Variants in CREB5 observed in about 807,000 individuals in gnomAD.
CREB5 encodes the protein cyclic AMP-responsive element-binding protein 5.
Under a neutral mutation model 57.1 loss-of-function variants are expected in CREB5, and 19 were observed. The ratio of observed to expected loss-of-function variants is 0.33; its 90% confidence interval spans 0.23 to 0.49. The LOEUF (loss-of-function observed/expected upper bound fraction) is 0.49, where lower values mean the gene tolerates loss of function less well. CREB5 is among the 20% of genes least tolerant of loss of function. The probability of loss-of-function intolerance (pLI) is 0.99; values close to 1 mark genes in which losing one functional copy is unlikely to be tolerated. For missense variants in CREB5, 579 were observed against 671.6 expected (o/e 0.86, Z 1.52); for synonymous variants, 238 against 238.3 (o/e 1.00, Z 0.01).
At chr7:28,578,505 T>A (rs1219985010) in intron 5 of CREB5, among the ~76,000 whole-genome samples, 2 of 152,252 alleles carry the variant, frequency 1.3e-5, no homozygotes, top group Non-Finnish European at 2.9e-5. Flanking sequence ...CCTTTGGAAC[T>A]GGAAGTACAC....
intron 1 of CREB5, among the ~76,000 whole-genome samples, chr7:28,374,790 C>G (rs369452198): frequency 6.6e-6 from 1 of 152,168 alleles, no homozygotes; most frequent in Admixed American, 6.5e-5. Flanking sequence ...GATTATGCAT[C>G]CCAGGCTCAT....
rs528831955 is a variant in CREB5 at position 28,421,779 on chromosome 7, A to AT, written c.3+8863dup. On this transcript the variant is annotated intron_variant, in intron 1 of 10. Transcript: ENST00000357727. ...ATACATACACACACACTATATATAT[A>AT]TATACCATATATATATATATACACA... 2.9e-4 allele frequency among the ~76,000 whole-genome samples: 29 copies of AT among 99,136 alleles called. No homozygotes were observed. In the East Asian group the frequency reaches 0.01, roughly 35 times the overall value. The allele number at this position is 99,136 out of a possible 152,430, so 65.0% of individuals were successfully genotyped here. A position where few individuals can be genotyped will look rare whatever the true frequency, so the allele number is the denominator to read the frequency against.
chr7:28,393,028 G>A (rs954449294), intron 1 of CREB5, among the ~76,000 whole-genome samples: 2 of 151,938 alleles, frequency 1.3e-5, no homozygotes, highest in South Asian at 2.1e-4. Context: ...AGGTTCAAGC[G>A]ATTCTCCTGT....
intron 4 of CREB5, among the ~76,000 whole-genome samples, chr7:28,517,990 T>G (rs1793048287): frequency 6.6e-6 from 1 of 152,066 alleles, no homozygotes; most frequent in Non-Finnish European, 1.5e-5. Flanking sequence ...TTCGAGCTAT[T>G]ATTCGAGAGT....
chr7:28,319,162 G>C (rs1024815528), intron 1 of CREB5, among the ~76,000 whole-genome samples: 1 of 152,144 alleles, frequency 6.6e-6, no homozygotes, highest in African/African-American at 2.4e-5. Flanking sequence ...AAAAACTCCA[G>C]TGGAGGGAAA....
chr7:28,353,329 G>A (rs1786272568), intron 1 of CREB5, among the ~76,000 whole-genome samples: 4 of 152,038 alleles, frequency 2.6e-5, no homozygotes, highest in Admixed American at 2.6e-4. Context: ...TCTTTCCAAA[G>A]TCCTGTCCTA....
intron 5 of CREB5, among the ~76,000 whole-genome samples, chr7:28,642,216 C>T (rs1039995875): frequency 1.8e-4 from 28 of 152,162 alleles, no homozygotes; most frequent in Non-Finnish European, 2.5e-4. Context: ...AACCTGCTGT[C>T]GGTTCCTTGT....
chr7:28,558,499 T>C (rs1794959948), intron 4 of CREB5, among the ~76,000 whole-genome samples: 1 of 152,230 alleles, frequency 6.6e-6, no homozygotes, highest in African/African-American at 2.4e-5. Context: ...GTCTAACTTG[T>C]AGCACATTTT....
intron 7 of CREB5, among the ~76,000 whole-genome samples, chr7:28,780,129 T>C (rs1227548614): frequency 6.6e-6 from 1 of 152,162 alleles, no homozygotes; most frequent in Admixed American, 6.5e-5. Context: ...AGGAGCCAGA[T>C]CTTCTGCTTC....
At chr7:28,597,275 A>G (rs1210570313) in intron 5 of CREB5, among the ~76,000 whole-genome samples, 2 of 152,186 alleles carry the variant, frequency 1.3e-5, no homozygotes, top group East Asian at 3.9e-4. Context: ...AGGCATAGCC[A>G]TTTAGCCACC....
At chr7:28,373,424 CTTTTTCTT>C (rs751124362) in intron 1 of CREB5, among the ~76,000 whole-genome samples, 69 of 142,634 alleles carry the variant, frequency 4.8e-4, no homozygotes, top group Non-Finnish European at 7.8e-4. Context: ...TAATTTTCTT[CTTTTTCTT>C]TTTTTCTTTT....
At chr7:28,395,695 AC>A (rs1484480563) in intron 1 of CREB5, among the ~76,000 whole-genome samples, 1 of 152,014 alleles carries the variant, frequency 6.6e-6, no homozygotes, top group African/African-American at 2.4e-5. Flanking sequence ...AAGATATAAA[AC>A]CTTTTTACCC....
intron 1 of CREB5, among the ~76,000 whole-genome samples, chr7:28,461,113 C>T (rs957618562): frequency 8.3e-6 from 1 of 119,858 alleles, no homozygotes; most frequent in East Asian, 2.4e-4. Flanking sequence ...GTCCCAGCTA[C>T]TTGGGAGGCT....
upstream of CREB5, among the ~76,000 whole-genome samples, chr7:28,408,731 A>T (rs1704312751): frequency 6.6e-6 from 1 of 152,104 alleles, no homozygotes; most frequent in Admixed American, 6.5e-5. Flanking sequence ...GAGAGTGTGC[A>T]CCATAAGGAA....
chr7:28,358,803 T>C (rs1052320656), intron 1 of CREB5, among the ~76,000 whole-genome samples: 18 of 152,150 alleles, frequency 1.2e-4, no homozygotes, highest in African/African-American at 3.9e-4. Context: ...TGCCTCAGCA[T>C]GTTAGAGGGA....
At chr7:28,397,111 G>C (rs42698) in intron 1 of CREB5, among the ~76,000 whole-genome samples, 38,101 of 152,038 alleles carry the variant, frequency 0.25, 5,041 homozygotes, top group Non-Finnish European at 0.28. Flanking sequence ...TATTTTAAAG[G>C]CGCAGTGTAA....
intron 4 of CREB5, among the ~76,000 whole-genome samples, chr7:28,556,493 T>C (rs1794885161): frequency 6.6e-6 from 1 of 152,164 alleles, no homozygotes; most frequent in Non-Finnish European, 1.5e-5. Flanking sequence ...TTTAGGTGTG[T>C]GGGTCAATGC....
intron 1 of CREB5, among the ~76,000 whole-genome samples, chr7:28,305,025 C>T (rs772369546): frequency 1.3e-5 from 2 of 152,156 alleles, no homozygotes; most frequent in Non-Finnish European, 2.9e-5. Context: ...GGAAAAAATA[C>T]ATTTTAAAAA....
rs565952141 is a variant in CREB5 at position 28,436,838 on chromosome 7, G to A, written c.3+23921G>A. On this transcript the variant is annotated intron_variant, in intron 1 of 10. Transcript: ENST00000357727. ...ATTTGATTGTGAGATTTAAGAAAGT[G>A]GGATAATGGGATGTGGGGGGAACAG... 1.2e-4 allele frequency among the ~76,000 whole-genome samples: 18 copies of A among 152,220 alleles called. 1 individual carries two copies. Among genetic ancestry groups the A allele is most frequent in the Admixed American group, 9.8e-4 (15 of 15,278 alleles).
Sources: allele counts gnomAD v4.1 joint callset (sites outside exome capture counted in the v4.1 genomes callset), GRCh38; gene constraint gnomAD v4.1.1; transcripts MANE v1.5; gene names NCBI Gene and HGNC (gene_info 2026-07-23, HGNC 2026-07-21).